Variants in CSMD1 observed in about 807,000 individuals in gnomAD.
CSMD1 encodes the protein CUB and Sushi multiple domains 1.
In CSMD1, 213 loss-of-function variants were observed where a neutral mutation model predicts 417.5. The ratio of observed to expected loss-of-function variants is 0.51; its 90% confidence interval spans 0.46 to 0.57. The LOEUF is 0.57. CSMD1 is among the 20% of genes least tolerant of loss of function. CSMD1 has a pLI of 0.00. For synonymous variants in CSMD1, 2,862 were observed against 1,736.8 expected (o/e 1.65, Z -16.11); for missense variants, 6,923 against 4,529.7 (o/e 1.53, Z -15.17).
At chr8:3,497,172 C>G (rs1478188499) in intron 10 of CSMD1, among the ~76,000 whole-genome samples, 2 of 152,116 alleles carry the variant, frequency 1.3e-5, no homozygotes, top group African/African-American at 4.8e-5. Flanking sequence ...TTGGTCTACA[C>G]TATAGTTTAA....
intron 3 of CSMD1, among the ~76,000 whole-genome samples, chr8:4,055,950 A>T (rs1465881117): frequency 6.6e-6 from 1 of 152,184 alleles, no homozygotes; most frequent in Non-Finnish European, 1.5e-5. Flanking sequence ...TACACTTAAA[A>T]TGAAACACAC....
intron 2 of CSMD1, among the ~76,000 whole-genome samples, chr8:4,507,156 C>A (rs1189587174): frequency 6.6e-6 from 1 of 152,050 alleles, no homozygotes; most frequent in Non-Finnish European, 1.5e-5. Context: ...TTCCATATTT[C>A]TGAAAGTTTA....
chr8:4,077,911 G>A (rs1415052758), intron 3 of CSMD1, among the ~76,000 whole-genome samples: 1 of 151,952 alleles, frequency 6.6e-6, no homozygotes, highest in Non-Finnish European at 1.5e-5. Context: ...CCTTCCCGAA[G>A]ACCTTGCCAT....
intron 5 of CSMD1, among the ~76,000 whole-genome samples, chr8:3,948,588 C>A (rs1030188578): frequency 1.3e-5 from 2 of 152,014 alleles, no homozygotes; most frequent in African/African-American, 2.4e-5. Flanking sequence ...TCATGATAAA[C>A]GATGAACGTG....
At chr8:3,548,871 G>A (rs553679175) in intron 10 of CSMD1, among the ~76,000 whole-genome samples, 51 of 152,084 alleles carry the variant, frequency 3.4e-4, no homozygotes, top group African/African-American at 1.2e-3. Flanking sequence ...GCTGGGTCCC[G>A]CTCCCTACCC....
chr8:4,924,044 G>C (rs899053995), intron 1 of CSMD1, among the ~76,000 whole-genome samples: 5 of 152,170 alleles, frequency 3.3e-5, no homozygotes, highest in Admixed American at 1.3e-4. Flanking sequence ...CTTGCTTGAA[G>C]TCTCAATCAC....
intron 5 of CSMD1, among the ~76,000 whole-genome samples, chr8:3,970,159 T>A (rs1812983948): frequency 6.6e-6 from 1 of 151,810 alleles, no homozygotes; most frequent in Non-Finnish European, 1.5e-5. Context: ...TTATGTGACA[T>A]TTGGCAGTTG....
At chr8:3,248,593 G>A (rs1443143156) in intron 26 of CSMD1, among the ~76,000 whole-genome samples, 6 of 144,782 alleles carry the variant, frequency 4.1e-5, no homozygotes, top group Admixed American at 7.1e-5. Flanking sequence ...ACAGTGGCGC[G>A]ATCTCAGCTC....
chr8:4,456,998 A>C (rs1329026129), intron 2 of CSMD1, among the ~76,000 whole-genome samples: 1 of 150,346 alleles, frequency 6.7e-6, no homozygotes, highest in Non-Finnish European at 1.5e-5. Flanking sequence ...AAAAAAAAAA[A>C]ACAACAAGAA....
At chr8:3,323,554 A>G (rs1313194386) in intron 23 of CSMD1, among the ~76,000 whole-genome samples, 1 of 151,158 alleles carries the variant, frequency 6.6e-6, no homozygotes, top group East Asian at 2.1e-4. Flanking sequence ...AAAACTTTAA[A>G]CACTCTCCAA....
In CSMD1 at chr8:4,860,989, G is replaced by C. The variant is rs572089109; in HGVS notation, c.85+133343C>G. Among the ~76,000 whole-genome samples the C allele has an allele frequency of 6.0e-4, 91 of 152,128 alleles. 1 individual carries two copies. The highest frequency in any genetic ancestry group is 1.9e-3 in the South Asian group (9 of 4,812). On this transcript the variant is annotated intron_variant, in intron 1 of 69. Transcript: ENST00000635120. Reference sequence around the variant, plus strand: ...TAAACCTGTGCTGCCAAAAATTCACGTTCTCACTACTATTGTAATACATAT... The same window carrying C: ...TAAACCTGTGCTGCCAAAAATTCACCTTCTCACTACTATTGTAATACATAT...
At chr8:4,386,253 C>G (rs2128921377) in intron 3 of CSMD1, among the ~76,000 whole-genome samples, 1 of 151,942 alleles carries the variant, frequency 6.6e-6, no homozygotes, top group East Asian at 1.9e-4. Flanking sequence ...ATCAGACATT[C>G]TCCTACCTTC....
chr8:4,570,793 G>A (rs539365797), intron 2 of CSMD1, among the ~76,000 whole-genome samples: 2 of 152,078 alleles, frequency 1.3e-5, no homozygotes, highest in Non-Finnish European at 2.9e-5. Context: ...TGTTTGGTAG[G>A]CTATTAATCA....
At chr8:4,104,628 G>A (rs899621193) in intron 3 of CSMD1, among the ~76,000 whole-genome samples, 1 of 152,146 alleles carries the variant, frequency 6.6e-6, no homozygotes, top group Admixed American at 6.5e-5. Context: ...CTGGAATGAG[G>A]CTAGTTTGTC....
chr8:3,214,751 T>C (rs1409438232), intron 29 of CSMD1, 60 bp from the exon 30 acceptor site: 15 of 1,393,674 alleles, frequency 1.1e-5, no homozygotes, highest in Non-Finnish European at 1.4e-5. Context: ...GTTTGTGTTT[T>C]TGTTTGTTGG....
At chr8:3,883,374 C>T (rs2954636) in intron 5 of CSMD1, among the ~76,000 whole-genome samples, 26,367 of 151,884 alleles carry the variant, frequency 0.17, 2,430 homozygotes, top group East Asian at 0.28. Context: ...TTCCAGCTAT[C>T]GATTTCTCAT....
intron 1 of CSMD1, among the ~76,000 whole-genome samples, chr8:4,966,441 C>T (rs1194416274): frequency 1.3e-5 from 2 of 152,116 alleles, no homozygotes; most frequent in Non-Finnish European, 2.9e-5. Flanking sequence ...GAACACATTT[C>T]CTTGTTAGGC....
intron 5 of CSMD1, among the ~76,000 whole-genome samples, chr8:3,771,478 C>A: frequency 6.6e-6 from 1 of 152,138 alleles, no homozygotes; most frequent in Admixed American, 6.5e-5. Context: ...CAGGGCCAGG[C>A]CAATTCTCAA....
intron 69 of CSMD1, among the ~76,000 whole-genome samples, chr8:2,939,477 T>G (rs1375724187): frequency 2.0e-5 from 3 of 152,238 alleles, no homozygotes; most frequent in African/African-American, 7.2e-5. Flanking sequence ...AATCTATGAT[T>G]AGAGAATTAG....
Sources: gnomAD v4.1 joint callset for allele counts (sites outside exome capture counted in the v4.1 genomes callset) on GRCh38, gnomAD v4.1.1 for gene constraint, MANE v1.5 for transcripts, NCBI Gene and HGNC (gene_info 2026-07-23, HGNC 2026-07-21) for gene names.